The following AMOTL1 variants were observed in gnomAD, a reference collection of about 807,000 sequenced individuals.
AMOTL1 encodes angiomotin like 1.
Under a neutral mutation model 102.9 loss-of-function variants are expected in AMOTL1, and 45 were observed. The observed-to-expected ratio is 0.44, with a 90% CI of 0.34 to 0.56. The LOEUF is 0.56. Among genes scored for constraint, AMOTL1 ranks in the 20% least tolerant of loss-of-function variants. The pLI, the probability that AMOTL1 is intolerant of heterozygous loss-of-function variation, is 0.01. For synonymous variants in AMOTL1, 481 were observed against 484.7 expected, an observed-to-expected ratio of 0.99 and a Z score of 0.10; for missense variants, 1,114 against 1,225.6, an observed-to-expected ratio of 0.91 and a Z score of 1.36.
At chr11:94,850,407 A>C in intron 7 of AMOTL1, 148 bp downstream of exon 7, 1 of 1,150,776 alleles carries the variant, frequency 8.7e-7, no homozygotes, top group East Asian at 2.6e-5. Context: ...TCTCAAATAA[A>C]AGTGAATAAA....
At chr11:94,832,149 T>G (rs1013920714) in intron 6 of AMOTL1, among the ~76,000 whole-genome samples, 1 of 152,232 alleles carries the variant, frequency 6.6e-6, no homozygotes, top group Non-Finnish European at 1.5e-5. Flanking sequence ...TGAGAAACCA[T>G]TGGTCAAGGT....
intron 1 of AMOTL1, among the ~76,000 whole-genome samples, chr11:94,786,278 G>T (rs1385572190): frequency 6.6e-6 from 1 of 152,196 alleles, no homozygotes; most frequent in African/African-American, 2.4e-5. Context: ...AATTATTTTT[G>T]TAGAGAAAGC....
At position 94,799,893 on chromosome 11, in the gene AMOTL1, A is replaced by T. The variant is rs1951440204; in HGVS notation, c.703A>T (p.Thr235Ser). ...SQKSRTEGRPTVNRANSGQAH... is the reference protein window; with the variant it reads ...SQKSRTEGRPSVNRANSGQAH... ...GAAGTCCCGAACTGAGGGGAGGCCC[A>T]CTGTGAACCGTGCCAACAGTGGACA... Residue 235 changes from threonine to serine, a missense_variant, in exon 3 of 13, where the codon ACT (threonine) becomes TCT (serine). By Grantham distance (58) the Thr-to-Ser change is moderately conservative. Transcript: ENST00000433060. The surrounding 1 kb of genome is among the most constrained non-coding windows in gnomAD (Gnocchi z 4.5). The T allele has an allele frequency of 9.4e-6, 15 of 1,602,074 alleles. No individual in the cohort carries two copies. The highest frequency in any genetic ancestry group is 1.3e-5 in the Non-Finnish European group (15 of 1,173,510).
In AMOTL1 at chr11:94,873,959, C is replaced by T. The variant is rs1303878467; in HGVS notation, c.*3164C>T. The T allele has an allele frequency of 6.6e-6, 1 of 152,220 alleles. No individual in the cohort carries two copies. The highest frequency in any genetic ancestry group is 6.5e-5 in the Admixed American group (1 of 15,284). 9.4% of individuals were successfully genotyped at this position (152,220 alleles called of 1,614,324 possible). A position where few individuals can be genotyped will look rare whatever the true frequency, so the allele number is the denominator to read the frequency against. Reference sequence around the variant, plus strand: ...ACCTAAAAAATATTTCTGCACTTCCCAGAGACCTGGACTTCAAACTTTCCC... The same window carrying T: ...ACCTAAAAAATATTTCTGCACTTCCTAGAGACCTGGACTTCAAACTTTCCC... On this transcript the variant is annotated 3_prime_UTR_variant, in exon 13 of 13. Transcript: ENST00000433060.
intron 3 of AMOTL1, among the ~76,000 whole-genome samples, chr11:94,818,977 G>A (rs1391183883): frequency 6.7e-6 from 1 of 148,912 alleles, no homozygotes; most frequent in Admixed American, 7.0e-5. Flanking sequence ...CAATTTTCCG[G>A]GATTGTTCTT....
intron 3 of AMOTL1, among the ~76,000 whole-genome samples, chr11:94,803,067 C>T (rs929272741): frequency 6.6e-6 from 1 of 152,214 alleles, no homozygotes; most frequent in African/African-American, 2.4e-5. Flanking sequence ...GTCCATCTCC[C>T]TGGCTGGTGC....
At chr11:94,815,084 TAATA>T (rs1262815993) in intron 3 of AMOTL1, among the ~76,000 whole-genome samples, 1 of 152,202 alleles carries the variant, frequency 6.6e-6, no homozygotes, top group African/African-American at 2.4e-5. Flanking sequence ...AGTAAATTTT[TAATA>T]AATAAGCTAG....
At position 94,871,874 on chromosome 11, in the gene AMOTL1, T is replaced by C. The variant is rs1953003481; in HGVS notation, c.*1079T>C. The stretch of plus-strand genomic sequence containing the variant: ...TTAGGACAGCACTCCAGGAAACAGA[T>C]GACAATTTACAGACAGTTGTCTCAG... On this transcript the variant is annotated 3_prime_UTR_variant, in exon 13 of 13. Coordinates refer to ENST00000433060, the MANE Select transcript of AMOTL1 (RefSeq NM_130847.3). 1.3e-5 allele frequency: 2 copies of C among 152,178 alleles called. No homozygotes were observed. Among genetic ancestry groups the C allele is most frequent in the Non-Finnish European group, 2.9e-5 (2 of 68,042 alleles). The allele number at this position is 152,178 out of a possible 1,614,324, so 9.4% of individuals were successfully genotyped here.
intron 1 of AMOTL1, among the ~76,000 whole-genome samples, chr11:94,794,310 G>C (rs1354766988): frequency 6.6e-6 from 1 of 152,214 alleles, no homozygotes; most frequent in Non-Finnish European, 1.5e-5. Context: ...GATGTTGTGT[G>C]TGCGGTATCA....
chr11:94,812,702 T>C (rs1951703468), intron 3 of AMOTL1, among the ~76,000 whole-genome samples: 2 of 152,354 alleles, frequency 1.3e-5, no homozygotes, highest in African/African-American at 2.4e-5. Flanking sequence ...AGTTTCCAGC[T>C]CGACTTTTCC....
intron 1 of AMOTL1, among the ~76,000 whole-genome samples, chr11:94,716,725 C>T (rs980834900): frequency 1.3e-5 from 2 of 152,064 alleles, no homozygotes; most frequent in African/African-American, 4.8e-5. Flanking sequence ...ATTGGCCTAC[C>T]TGTTGTCTTG....
In AMOTL1 at chr11:94,868,987, T is replaced by C. The variant is rs553296589; in HGVS notation, c.2489-211T>C. On this transcript the variant is annotated intron_variant, in intron 11 of 12. Transcript: ENST00000433060. ...AAAACACACAAAAAAAACCTACAAT[T>C]TTTTAGGAAGGGGACTAGGTCTTCC... 1.4e-4 allele frequency among the ~76,000 whole-genome samples: 21 copies of C among 152,014 alleles called. No homozygotes were observed. The South Asian group carries it at 4.4e-3, about 32-fold the overall frequency.
chr11:94,805,269 A>T (rs549225435), intron 3 of AMOTL1, among the ~76,000 whole-genome samples: 21 of 152,220 alleles, frequency 1.4e-4, no homozygotes, highest in Admixed American at 7.2e-4. Flanking sequence ...ATTCTGGTGA[A>T]GTATTCTAGA....
intron 9 of AMOTL1, among the ~76,000 whole-genome samples, chr11:94,860,500 A>G (rs1952754127): frequency 1.3e-5 from 2 of 152,222 alleles, no homozygotes; most frequent in African/African-American, 2.4e-5. Flanking sequence ...CTGTTAAAAC[A>G]TACTGTTGTC....
At chr11:94,869,759 C>T (rs542991307) in intron 12 of AMOTL1, among the ~76,000 whole-genome samples, 5 of 152,132 alleles carry the variant, frequency 3.3e-5, no homozygotes, top group South Asian at 2.1e-4. Context: ...GACAACAGAC[C>T]CTCTAAGGGG....
At position 94,711,465 on chromosome 11, in the gene AMOTL1, T is replaced by TTG. The variant is rs150351671; in HGVS notation, c.-51+4882_-51+4883dup. On this transcript the variant is annotated intron_variant, in intron 1 of 4. Coordinates refer to the AMOTL1 transcript ENST00000299004. ...ATTTTATCAGCTATGCATGTACTCATTGTGTGTGTGTGTGTTTGTGTGTGT... is the reference window on the plus strand; with the variant it reads ...ATTTTATCAGCTATGCATGTACTCATTGTGTGTGTGTGTGTGTTTGTGTGTGT... Among the ~76,000 whole-genome samples, 477 of 151,670 alleles carry TTG rather than the reference T, an allele frequency of 3.1e-3. 2 individuals carry two copies. Among genetic ancestry groups the TTG allele is most frequent in the African/African-American group, 0.011 (446 of 41,454 alleles).
At chr11:94,786,255 G>T (rs1229285983) in intron 1 of AMOTL1, among the ~76,000 whole-genome samples, 2 of 152,100 alleles carry the variant, frequency 1.3e-5, no homozygotes, top group African/African-American at 4.8e-5. Context: ...TATGTTAAAG[G>T]CTAAATTTTA....
intron 1 of AMOTL1, among the ~76,000 whole-genome samples, chr11:94,720,985 G>C (rs1950166895): frequency 6.6e-6 from 1 of 152,092 alleles, no homozygotes; most frequent in Non-Finnish European, 1.5e-5. Flanking sequence ...AATTTCAACA[G>C]GTATAAAATT....
chr11:94,721,862 T>G (rs1378148295), intron 1 of AMOTL1, among the ~76,000 whole-genome samples: 1 of 152,140 alleles, frequency 6.6e-6, no homozygotes, highest in African/African-American at 2.4e-5. Context: ...AACTGTGATG[T>G]TTTCACCTGT....
Sources: allele counts gnomAD v4.1 joint callset (sites outside exome capture counted in the v4.1 genomes callset), GRCh38; gene constraint gnomAD v4.1.1; non-coding constraint Gnocchi (gnomAD v3.1); transcripts MANE v1.5; gene names NCBI Gene and HGNC (gene_info 2026-07-23, HGNC 2026-07-21).